LARGE2: variants seen among roughly 807,000 people sequenced by gnomAD.
The protein encoded by LARGE2 is LARGE xylosyl- and glucuronyltransferase 2, also known as xylosyl- and glucuronyltransferase LARGE2.
Under a neutral mutation model 75.3 loss-of-function variants are expected in LARGE2, and 63 were observed. The observed-to-expected ratio is 0.84, with a 90% CI of 0.68 to 1.03. The LOEUF (loss-of-function observed/expected upper bound fraction) is 1.03, where lower values mean the gene tolerates loss of function less well. Among genes scored for constraint, LARGE2 ranks in the 50% least tolerant of loss-of-function variants. The probability of loss-of-function intolerance (pLI) is 0.00; values close to 1 mark genes in which losing one functional copy is unlikely to be tolerated. For synonymous variants in LARGE2, 428 were observed against 420.1 expected, an observed-to-expected ratio of 1.02 and a Z score of -0.23; for missense variants, 925 against 980.6, an observed-to-expected ratio of 0.94 and a Z score of 0.76.
intron 13 of LARGE2, 80 bp from the exon 14 acceptor site, chr11:45,928,550 T>C: frequency 6.4e-7 from 1 of 1,566,928 alleles, no homozygotes; most frequent in South Asian, 1.2e-5. Flanking sequence ...GGCTACAGGG[T>C]AAGCCTGTTC....
intron 13 of LARGE2, 94 bp downstream of exon 13, chr11:45,928,466 C>T: frequency 6.5e-7 from 1 of 1,534,106 alleles, no homozygotes; most frequent in Admixed American, 1.9e-5. Context: ...CACCACTAGG[C>T]AACACTGTTA....
chr11:45,922,909 G>C lies in LARGE2; in HGVS notation c.27G>C (p.Ala9=). The C allele has an allele frequency of 3.1e-6, 4 of 1,274,142 alleles. No homozygotes were observed. The highest frequency in any genetic ancestry group is 3.9e-6 in the Non-Finnish European group (4 of 1,014,814). The allele number at this position is 1,274,142 out of a possible 1,614,324, so 78.9% of individuals were successfully genotyped here. The change falls in exon 2 of 14, where the codon GCG becomes GCC. Residue 9 remains alanine, a synonymous_variant. Transcript: ENST00000401752. MLPRGRPR[A]LGAAALLLLL... ...TGCTGCCCCGAGGGCGCCCCCGGGC[G>C]CTGGGGGCCGCCGCGCTGTTGCTGC...
At chr11:45,928,423 C>T in intron 13 of LARGE2, 51 bp downstream of exon 13, 1 of 1,587,634 alleles carries the variant, frequency 6.3e-7, no homozygotes, top group Non-Finnish European at 8.6e-7. Context: ...ACCTCCAGGT[C>T]CAGGGAACTC....
In LARGE2 at chr11:45,928,267, C is replaced by G. The variant is rs748578237; in HGVS notation, c.1845C>G (p.Asn615Lys). 1 of 1,614,116 alleles carries G rather than the reference C, an allele frequency of 6.2e-7. No individual in the cohort carries two copies. Among genetic ancestry groups the G allele is most frequent in the South Asian group, 1.1e-5 (1 of 91,084 alleles). Reference sequence around the variant, plus strand: ...CGTACCGTGTGCAATGGGCGGCCAACTATGAACCCTACGTGGTGGTGCCAC... The same window carrying G: ...CGTACCGTGTGCAATGGGCGGCCAAGTATGAACCCTACGTGGTGGTGCCAC... ...QAPYRVQWAA[N>K]YEPYVVVPRD... The change falls in exon 13 of 14, where the codon AAC (asparagine) becomes AAG (lysine). Residue 615 changes from asparagine to lysine, a missense_variant. Around this residue, in one of 3 missense-constraint regions of LARGE2, gnomAD observed 469 missense variants for 503.8 expected, o/e 0.93. Coordinates refer to ENST00000401752, the MANE Select transcript of LARGE2 (RefSeq NM_001300721.2).
rs1211430249 is a variant in LARGE2, at chr11:45,924,798, C to T, written c.678C>T (p.Ile226=). The change falls in exon 6 of 14, where the codon ATC becomes ATT. Residue 226 remains isoleucine (I), a synonymous_variant. Coordinates refer to ENST00000401752, the MANE Select transcript of LARGE2 (RefSeq NM_001300721.2). ...LFAHFSDTQA[I]GLVENQSDWY... is the part of the protein sequence containing the mutation. The stretch of plus-strand genomic sequence containing the variant: ...CTCCCCTCCCAGACACGCAGGCGAT[C>T]GGTCTTGTGGAGAACCAGAGTGACT... The T allele has an allele frequency of 7.3e-6, 11 of 1,509,540 alleles. No individual in the cohort carries two copies. The Admixed American group carries it at 8.7e-5, about 12-fold the overall frequency. 93.5% of individuals were successfully genotyped at this position (1,509,540 alleles called of 1,614,324 possible).
In LARGE2 at chr11:45,928,293, G is replaced by C. The variant is rs767779762; in HGVS notation, c.1871G>C (p.Arg624Pro). 1 of 1,614,136 alleles carries C rather than the reference G, an allele frequency of 6.2e-7. No homozygotes were observed. Among genetic ancestry groups the C allele is most frequent in the Non-Finnish European group, 8.5e-7 (1 of 1,180,046 alleles). ...TATGAACCCTACGTGGTGGTGCCAC[G>C]AGACTGTCCCCGCTATGATCCTCGC... ...ANYEPYVVVP[R>P]DCPRYDPRFV... Residue 624 changes from arginine (R) to proline (P), a missense_variant, in exon 13 of 14, where the codon CGA becomes CCA. Around this residue, in one of 3 missense-constraint regions of LARGE2, gnomAD observed 469 missense variants for 503.8 expected, o/e 0.93. Coordinates refer to ENST00000401752, the MANE Select transcript of LARGE2 (RefSeq NM_001300721.2).
intron 12 of LARGE2, 34 bp from the exon 13 acceptor site, chr11:45,928,143 C>T (rs780320945): frequency 6.2e-7 from 1 of 1,613,104 alleles, no homozygotes. Flanking sequence ...AGCTCCTAGC[C>T]TCAGCCTGGC....
chr11:45,927,236 T>A, intron 10 of LARGE2, 79 bp from the exon 11 acceptor site: 1 of 1,493,924 alleles, frequency 6.7e-7, no homozygotes. Flanking sequence ...CAGCAGCAGC[T>A]AACTGGGGAG....
At position 45,927,392 on chromosome 11, in the gene LARGE2, C is replaced by T; in HGVS notation, c.1403C>T (p.Ala468Val). Reference sequence around the variant, plus strand: ...GCCTTGTACCTGACAGACGCAGAAGCTCAGCAGTTCCTGCATTTCGTCGAG... The same window carrying T: ...GCCTTGTACCTGACAGACGCAGAAGTTCAGCAGTTCCTGCATTTCGTCGAG... ...SLALYLTDAE[A>V]QQFLHFVEAS... The change falls in exon 11 of 14, where the codon GCT becomes GTT. Residue 468 changes from alanine (A) to valine (V), a missense_variant. Coordinates refer to ENST00000401752, the MANE Select transcript of LARGE2 (RefSeq NM_001300721.2). 6.2e-7 allele frequency: 1 copy of T among 1,614,142 alleles called. No individual in the cohort carries two copies. The highest frequency in any genetic ancestry group is 8.5e-7 in the Non-Finnish European group (1 of 1,180,042).
At chr11:45,925,309 C>T (rs949925838) in intron 6 of LARGE2, among the ~76,000 whole-genome samples, 1 of 152,048 alleles carries the variant, frequency 6.6e-6, no homozygotes, top group Non-Finnish European at 1.5e-5. Context: ...TCGCTTGAGC[C>T]CAGGAGTTCG....
In LARGE2 at chr11:45,923,045, C is replaced by A; in HGVS notation, c.163C>A (p.Arg55Ser). The A allele has an allele frequency of 7.1e-7, 1 of 1,412,338 alleles. No homozygotes were observed. The allele number at this position is 1,412,338 out of a possible 1,614,324, so 87.5% of individuals were successfully genotyped here. Residue 55 changes from arginine to serine, a missense_variant, in exon 2 of 14, where the codon CGT becomes AGT. Around this residue, in one of 3 missense-constraint regions of LARGE2, gnomAD observed 453 missense variants for 460.2 expected, o/e 0.98. Coordinates refer to ENST00000401752, the MANE Select transcript of LARGE2 (RefSeq NM_001300721.2). The stretch of plus-strand genomic sequence containing the variant: ...ATGCTTCCCCGGCCCGCTCATGCCA[C>A]GTGTCCCCCCAGACGGGAGGCTGCG... ...PGCFPGPLMP[R>S]VPPDGRLRRA... is the part of the protein sequence containing the mutation.
chr11:45,927,358 A>G lies in LARGE2; in HGVS notation c.1369A>G (p.Met457Val), dbSNP rs753593404. 5.0e-6 allele frequency: 8 copies of G among 1,613,834 alleles called. No individual in the cohort carries two copies. Among genetic ancestry groups the G allele is most frequent in the Non-Finnish European group, 5.9e-6 (7 of 1,180,008 alleles). ...EALCRHWPGP[M>V]SLALYLTDAE... ...CCTGTGCAGGCACTGGCCTGGCCCC[A>G]TGAGCCTGGCCTTGTACCTGACAGA... The change falls in exon 11 of 14, where the codon ATG becomes GTG. Residue 457 changes from methionine (M) to valine (V), a missense_variant. Met to Val is a conservative substitution (Grantham distance 21). Coordinates refer to ENST00000401752, the MANE Select transcript of LARGE2 (RefSeq NM_001300721.2).
Position 45,923,372 on chromosome 11 carries a change from A to C in LARGE2, c.286-101A>C, listed in dbSNP as rs2086999926. On this transcript the variant is annotated intron_variant, in intron 2 of 13. Coordinates refer to ENST00000401752, the MANE Select transcript of LARGE2 (RefSeq NM_001300721.2). ...GGTTGGCTCCTGCTGCCCCCTCCGC[A>C]CACTGTTCCGGGCTCTGCTGCGGGG... 3 of 1,254,928 alleles carry C rather than the reference A, an allele frequency of 2.4e-6. No homozygotes were observed. The African/African-American group carries it at 4.4e-5, about 19-fold the overall frequency. The allele number at this position is 1,254,928 out of a possible 1,614,324, so 77.7% of individuals were successfully genotyped here. A position where few individuals can be genotyped will look rare whatever the true frequency, so the allele number is the denominator to read the frequency against.
At chr11:45,923,582 G>C (rs769066406) in intron 3 of LARGE2, 27 bp downstream of exon 3, 3 of 1,602,438 alleles carry the variant, frequency 1.9e-6, no homozygotes, top group Admixed American at 3.3e-5. Flanking sequence ...GTGGAGGAGG[G>C]TCAGGAGTGG....
upstream of LARGE2, among the ~76,000 whole-genome samples, chr11:45,921,972 G>A (rs951046431): frequency 6.6e-6 from 1 of 152,136 alleles, no homozygotes; most frequent in Non-Finnish European, 1.5e-5. Context: ...GCGCGGGGGA[G>A]AGGGAGGAAA....
intron 11 of LARGE2, 125 bp downstream of exon 11, chr11:45,927,718 G>C: frequency 1.0e-5 from 15 of 1,462,902 alleles, no homozygotes; most frequent in Non-Finnish European, 1.3e-5. Context: ...ATTGGGGTTT[G>C]TATTAGGCTG....
rs2086969028 is a variant in LARGE2, at chr11:45,922,819, A to AGGGCCTGCGATG, written c.-62_-51dup. The AGGGCCTGCGATG allele has an allele frequency of 8.4e-7, 1 of 1,185,556 alleles. No homozygotes were observed. Among genetic ancestry groups the AGGGCCTGCGATG allele is most frequent in the Non-Finnish European group, 1.1e-6 (1 of 947,302 alleles). 73.4% of individuals were successfully genotyped at this position (1,185,556 alleles called of 1,614,324 possible). A position where few individuals can be genotyped will look rare whatever the true frequency, so the allele number is the denominator to read the frequency against. On this transcript the variant is annotated splice_acceptor_variant, in intron 1 of 13. Coordinates refer to ENST00000401752, the MANE Select transcript of LARGE2 (RefSeq NM_001300721.2). LOFTEE classifies it low-confidence loss of function (5UTR_SPLICE). ...TCTCCCATCTCGCCCCTCGGTCCGC[A>AGGGCCTGCGATG]GGGCCTGCGATGGAGCCTGCAGCCC...
rs148997856 is a variant in LARGE2 at position 45,927,439 on chromosome 11, C to T, written c.1450C>T (p.Arg484Trp). Reference sequence around the variant, plus strand: ...CGAGGCCTCACCAGTGCTTGCTGCCCGGCAGGACGTGGCCTACCATGTGGT... The same window carrying T: ...CGAGGCCTCACCAGTGCTTGCTGCCTGGCAGGACGTGGCCTACCATGTGGT... The part of the protein sequence containing the change: ...FVEASPVLAA[R>W]QDVAYHVVYR... The change falls in exon 11 of 14, where the codon CGG becomes TGG. Residue 484 changes from arginine (R) to tryptophan (W), a missense_variant. Physicochemically the swap from Arg to Trp is moderately radical, Grantham distance 101 (BLOSUM62 -3). This residue lies in a region of LARGE2 where 469 missense variants were observed against 503.8 expected (regional missense o/e 0.93). Coordinates refer to ENST00000401752, the MANE Select transcript of LARGE2 (RefSeq NM_001300721.2). 1.7e-5 allele frequency: 28 copies of T among 1,614,070 alleles called. No individual in the cohort carries two copies. The highest frequency in any genetic ancestry group is 5.3e-5 in the African/African-American group (4 of 74,936).
chr11:45,921,909 G>A (rs7123789), upstream of LARGE2, among the ~76,000 whole-genome samples: 23 of 152,152 alleles, frequency 1.5e-4, no homozygotes, highest in African/African-American at 5.3e-4. Flanking sequence ...GGCACGCTGT[G>A]CTGGTTTAGG....
Sources: allele counts gnomAD v4.1 joint callset (sites outside exome capture counted in the v4.1 genomes callset), GRCh38; gene constraint gnomAD v4.1.1; regional missense constraint gnomAD v4.1.1; transcripts MANE v1.5; gene names NCBI Gene and HGNC (gene_info 2026-07-23, HGNC 2026-07-21).